KDM7A: variants seen among roughly 807,000 people sequenced by gnomAD.
The protein encoded by KDM7A is lysine demethylase 7A.
KDM7A carries 28 observed loss-of-function variants against 114.8 expected under a neutral mutation model. The observed-to-expected ratio is 0.24, with a 90% confidence interval of 0.18 to 0.33. The LOEUF is 0.33. Among genes scored for constraint, KDM7A ranks in the 10% least tolerant of loss-of-function variants. The pLI is 1.00. For missense variants in KDM7A, 942 were observed against 1,142.5 expected (o/e 0.82, Z 2.53); for synonymous variants, 423 against 397.8 (o/e 1.06, Z -0.75).
intron 1 of KDM7A, among the ~76,000 whole-genome samples, chr7:140,153,715 C>G (rs888630161): frequency 4.6e-5 from 7 of 152,212 alleles, no homozygotes; most frequent in African/African-American, 1.7e-4. Flanking sequence ...CATGCCTTCA[C>G]TAAGTGCCTC....
chr7:140,105,162 T>C (rs1468563074), intron 11 of KDM7A, among the ~76,000 whole-genome samples: 1 of 152,240 alleles, frequency 6.6e-6, no homozygotes, highest in Non-Finnish European at 1.5e-5. Flanking sequence ...TTGCTGAAGT[T>C]GCTTGTCAGC....
Position 140,126,794 on chromosome 7 carries a change from A to AT in KDM7A, c.730dup (p.Ile244AsnfsTer15). ...TTCCACCCAGGAAAGTTTTTTGGCT[A>AT]TATCAGGGACCTCCACCAATTCAGA... On this transcript the variant is annotated frameshift_variant, in exon 6 of 20. Coordinates refer to ENST00000397560, the MANE Select transcript of KDM7A (RefSeq NM_030647.2). LOFTEE classifies it high-confidence loss of function. 6.2e-7 allele frequency: 1 copy of AT among 1,613,972 alleles called. No individual in the cohort carries two copies. The highest frequency in any genetic ancestry group is 8.5e-7 in the Non-Finnish European group (1 of 1,179,884).
chr7:140,099,858 T>G, intron 13 of KDM7A, 41 bp downstream of exon 13: 2 of 1,578,908 alleles, frequency 1.3e-6, no homozygotes, highest in Non-Finnish European at 1.7e-6. Flanking sequence ...GGGAACCCAA[T>G]GAAAATTAAT....
At chr7:140,111,230 T>C (rs1251752400) in intron 10 of KDM7A, 46 bp from the exon 11 acceptor site, 9 of 1,284,868 alleles carry the variant, frequency 7.0e-6, no homozygotes, top group Non-Finnish European at 1.0e-5. Flanking sequence ...TTATTTACAC[T>C]TTAATATGTA....
intron 1 of KDM7A, among the ~76,000 whole-genome samples, chr7:140,162,574 C>T (rs1023443491): frequency 5.6e-5 from 8 of 143,030 alleles, no homozygotes; most frequent in Admixed American, 2.9e-4. Context: ...CTTATAGCCC[C>T]AGTAAATAAG....
At chr7:140,103,887 T>G (rs1218433826) in intron 11 of KDM7A, among the ~76,000 whole-genome samples, 1 of 152,182 alleles carries the variant, frequency 6.6e-6, no homozygotes, top group Admixed American at 6.5e-5. Flanking sequence ...AATCGCCACA[T>G]TGACTTCCAC....
intron 1 of KDM7A, among the ~76,000 whole-genome samples, chr7:140,144,710 TACAC>T (rs3030431): frequency 4.1e-5 from 6 of 146,386 alleles, no homozygotes; most frequent in African/African-American, 7.5e-5. Context: ...GTCCCCACCA[TACAC>T]ACACACACAC....
At chr7:140,161,704 C>T (rs1168004821) in intron 1 of KDM7A, among the ~76,000 whole-genome samples, 1 of 151,718 alleles carries the variant, frequency 6.6e-6, no homozygotes, top group Non-Finnish European at 1.5e-5. Flanking sequence ...GCCACCACGC[C>T]CAGCTAATTT....
At chr7:140,096,855 T>C (rs1465060376) in intron 16 of KDM7A, 44 bp downstream of exon 16, 2 of 1,598,522 alleles carry the variant, frequency 1.3e-6, no homozygotes, top group East Asian at 2.2e-5. Context: ...TTCATAGTAT[T>C]TACCTTACAA....
chr7:140,105,791 A>G (rs999630665), intron 11 of KDM7A, among the ~76,000 whole-genome samples: 1 of 152,198 alleles, frequency 6.6e-6, no homozygotes, highest in African/African-American at 2.4e-5. Context: ...TATCAGGATG[A>G]TGCTGGTCTT....
Position 140,124,744 on chromosome 7 carries a change from T to G in KDM7A, c.928A>C (p.Asn310His). 6.2e-7 allele frequency: 1 copy of G among 1,612,106 alleles called. No homozygotes were observed. ...CTCCAAGATTCATAACGTGCCAAATTTTCATCTGTTGGCTTTATTAAATAA... is the reference window on the plus strand; with the variant it reads ...CTCCAAGATTCATAACGTGCCAAATGTTCATCTGTTGGCTTTATTAAATAA... ...IFYLIKPTDE[N>H]LARYESWSSS... Residue 310 changes from asparagine (N) to histidine (H), a missense_variant, in exon 7 of 20, where the codon AAT becomes CAT. Asn to His is a moderately conservative substitution (Grantham distance 68, BLOSUM62 1). Coordinates refer to ENST00000397560, the MANE Select transcript of KDM7A (RefSeq NM_030647.2).
chr7:140,086,986 T>TA lies in KDM7A; in HGVS notation c.*4107dup, dbSNP rs748509159. 3.3e-5 allele frequency: 5 copies of TA among 152,214 alleles called. No homozygotes were observed. The highest frequency in any genetic ancestry group is 2.6e-4 in the Admixed American group (4 of 15,276). The allele number at this position is 152,214 out of a possible 1,614,324, so 9.4% of individuals were successfully genotyped here. ...GGTCACATGATATTCCAATCAACTC[T>TA]ATCTATAGTCTTACTGCTGCAGAGA... On this transcript the variant is annotated 3_prime_UTR_variant, in exon 20 of 20. Coordinates refer to ENST00000397560, the MANE Select transcript of KDM7A (RefSeq NM_030647.2).
intron 1 of KDM7A, among the ~76,000 whole-genome samples, chr7:140,152,473 A>G (rs1794411370): frequency 6.6e-6 from 1 of 152,086 alleles, no homozygotes; most frequent in Admixed American, 6.5e-5. Flanking sequence ...AAAATACAAA[A>G]GTTAGCTGGC....
At chr7:140,129,701 A>T in intron 3 of KDM7A, 48 bp from the exon 4 acceptor site, 2 of 1,291,176 alleles carry the variant, frequency 1.5e-6, no homozygotes, top group South Asian at 1.2e-5. Context: ...TGGTAAGGTC[A>T]GTTTAAAAAA....
rs1268349096 is a variant in KDM7A, at chr7:140,092,091, A to G, written c.2458-14T>C. On this transcript the variant is annotated splice_polypyrimidine_tract_variant and intron_variant, in intron 18 of 19. Coordinates refer to ENST00000397560, the MANE Select transcript of KDM7A (RefSeq NM_030647.2). ...TCTACTTAGATCCTGAAGGAGGAGG[A>G]AGGACATGAGGCTGAATTTTTAGGG... The G allele has an allele frequency of 6.2e-7, 1 of 1,613,316 alleles. No homozygotes were observed. The highest frequency in any genetic ancestry group is 8.5e-7 in the Non-Finnish European group (1 of 1,179,568).
At chr7:140,103,210 T>C (rs774158751) in intron 11 of KDM7A, among the ~76,000 whole-genome samples, 1 of 152,180 alleles carries the variant, frequency 6.6e-6, no homozygotes, top group East Asian at 1.9e-4. Context: ...CTCATATAAG[T>C]GGAATTTTAT....
chr7:140,151,737 T>C (rs1267213360), intron 1 of KDM7A, among the ~76,000 whole-genome samples: 6 of 152,180 alleles, frequency 3.9e-5, no homozygotes, highest in Non-Finnish European at 8.8e-5. Flanking sequence ...AATCTGACAT[T>C]TGGAATGTCA....
chr7:140,117,313 C>T (rs1818546535), intron 9 of KDM7A, among the ~76,000 whole-genome samples: 1 of 152,158 alleles, frequency 6.6e-6, no homozygotes, highest in Non-Finnish European at 1.5e-5. Flanking sequence ...CTAAATAGTT[C>T]TAAGACTAAG....
intron 2 of KDM7A, among the ~76,000 whole-genome samples, chr7:140,136,414 T>C (rs553998608): frequency 1.3e-5 from 2 of 152,320 alleles, no homozygotes; most frequent in East Asian, 1.9e-4. Context: ...TCAGCCACTA[T>C]GTAACAGCTG....
Sources: gnomAD v4.1 joint callset for allele counts (sites outside exome capture counted in the v4.1 genomes callset) on GRCh38, gnomAD v4.1.1 for gene constraint, MANE v1.5 for transcripts, NCBI Gene and HGNC (gene_info 2026-07-23, HGNC 2026-07-21) for gene names.